Variants in SPATS2 observed in about 807,000 individuals in gnomAD.
SPATS2 encodes the protein spermatogenesis-associated serine-rich protein 2.
In SPATS2, 38 loss-of-function variants were observed where a neutral mutation model predicts 63.7. The ratio of observed to expected loss-of-function variants is 0.60; its 90% CI spans 0.46 to 0.78. SPATS2 has a LOEUF of 0.78. Among genes scored for constraint, SPATS2 ranks in the 30% least tolerant of loss-of-function variants. The pLI is 0.00. For synonymous variants in SPATS2, 207 were observed against 232.9 expected, an observed-to-expected ratio of 0.89 and a Z score of 1.01; for missense variants, 588 against 666.2, an observed-to-expected ratio of 0.88 and a Z score of 1.29.
At chr12:49,441,855 A>G (rs956610511) in intron 2 of SPATS2, 4 of 152,196 alleles carry the variant, frequency 2.6e-5, no homozygotes, top group African/African-American at 4.8e-5. Context: ...TCATATACAC[A>G]ACATATGCAA....
In SPATS2 at chr12:49,446,124, G is replaced by A. The variant is rs540102395; in HGVS notation, c.-243-14646G>A. Among the ~76,000 whole-genome samples the A allele has an allele frequency of 1.3e-4, 19 of 150,608 alleles. No individual in the cohort carries two copies. The East Asian group carries it at 3.8e-3, about 30-fold the overall frequency. On this transcript the variant is annotated intron_variant, in intron 2 of 13. Coordinates refer to ENST00000552918, the MANE Select transcript of SPATS2 (RefSeq NM_023071.4). ...TCACCATGTTGCCCAAGGTGGTCTCGAACTCCTGAGCTCAGGTGATCTGCC... is the reference window on the plus strand; with the variant it reads ...TCACCATGTTGCCCAAGGTGGTCTCAAACTCCTGAGCTCAGGTGATCTGCC...
chr12:49,402,556 A>T (rs1184717644), intron 2 of SPATS2, among the ~76,000 whole-genome samples: 1 of 152,090 alleles, frequency 6.6e-6, no homozygotes, highest in Non-Finnish European at 1.5e-5. Context: ...AGGGTAAAGG[A>T]CGAGATTGTC....
At chr12:49,459,605 T>G (rs941995913) in intron 2 of SPATS2, among the ~76,000 whole-genome samples, 6 of 151,492 alleles carry the variant, frequency 4.0e-5, no homozygotes, top group Non-Finnish European at 2.9e-5. Context: ...GCCTTGGCCT[T>G]CCAAAGTGCT....
chr12:49,494,735 C>CT lies in SPATS2; in HGVS notation c.265-3dup. The CT allele has an allele frequency of 6.6e-7, 1 of 1,520,864 alleles. No homozygotes were observed. The highest frequency in any genetic ancestry group is 8.8e-7 in the Non-Finnish European group (1 of 1,135,924). 94.2% of individuals were successfully genotyped at this position (1,520,864 alleles called of 1,614,324 possible). A position where few individuals can be genotyped will look rare whatever the true frequency, so the allele number is the denominator to read the frequency against. On this transcript the variant is annotated splice_polypyrimidine_tract_variant and splice_region_variant and intron_variant, in intron 6 of 13. Transcript: ENST00000552918. ...CTTTTCTTTTTCAAATTTTTAATAA[C>CT]TTTAGAACAAAAAGAAGAAAAACAA... is the stretch of plus-strand genomic sequence containing the variant.
chr12:49,404,807 C>T (rs1944666540), intron 2 of SPATS2, among the ~76,000 whole-genome samples: 1 of 152,126 alleles, frequency 6.6e-6, no homozygotes, highest in African/African-American at 2.4e-5. Flanking sequence ...TGTTCACGGA[C>T]AGGTCAGATC....
upstream of SPATS2, chr12:49,367,356 T>G (rs1943915895): frequency 1.3e-5 from 5 of 389,934 alleles, no homozygotes; most frequent in East Asian, 7.3e-5. Context: ...GGTGATCTGC[T>G]GGATCTCCGG....
chr12:49,464,878 T>C (rs540670535), intron 3 of SPATS2, among the ~76,000 whole-genome samples: 8 of 152,258 alleles, frequency 5.3e-5, no homozygotes, highest in African/African-American at 1.9e-4. Flanking sequence ...TTCTCTTGTT[T>C]GTGATCAATT....
intron 2 of SPATS2, among the ~76,000 whole-genome samples, chr12:49,415,124 G>A (rs1944867415): frequency 6.6e-6 from 1 of 151,548 alleles, no homozygotes; most frequent in African/African-American, 2.4e-5. Context: ...TAGAGATGGG[G>A]TTTCACCATA....
intron 3 of SPATS2, among the ~76,000 whole-genome samples, chr12:49,471,291 A>G (rs1358772876): frequency 6.6e-6 from 1 of 152,172 alleles, no homozygotes; most frequent in Admixed American, 6.5e-5. Flanking sequence ...TAATTCCTGT[A>G]ACTCAGTAGT....
intron 3 of SPATS2, among the ~76,000 whole-genome samples, chr12:49,471,948 C>A (rs888994090): frequency 6.6e-6 from 1 of 151,976 alleles, no homozygotes; most frequent in Admixed American, 6.6e-5. Context: ...CCAGCCTGGG[C>A]AACACAGTGA....
chr12:49,450,843 T>C (rs937524012), intron 2 of SPATS2, among the ~76,000 whole-genome samples: 1 of 150,236 alleles, frequency 6.7e-6, no homozygotes, highest in Non-Finnish European at 1.5e-5. Flanking sequence ...TGTGTCAGCC[T>C]ATTTTTTGTT....
At chr12:49,389,547 A>T in intron 2 of SPATS2, 3 of 984,872 alleles carry the variant, frequency 3.0e-6, no homozygotes, top group Admixed American at 3.4e-5. Flanking sequence ...GCACTTGCTG[A>T]TGCTAAAACT....
At chr12:49,398,530 C>T (rs1057237872) in intron 2 of SPATS2, among the ~76,000 whole-genome samples, 7 of 152,098 alleles carry the variant, frequency 4.6e-5, no homozygotes, top group African/African-American at 9.7e-5. Context: ...AAGGGAAGAA[C>T]GCATATCACT....
intron 12 of SPATS2, among the ~76,000 whole-genome samples, chr12:49,523,412 C>T (rs1395874795): frequency 1.3e-5 from 2 of 151,940 alleles, no homozygotes; most frequent in Non-Finnish European, 2.9e-5. Flanking sequence ...GGGAAGATAG[C>T]TTGAGCCAGG....
intron 3 of SPATS2, chr12:49,463,592 G>A (rs971611292): frequency 2.0e-5 from 3 of 152,176 alleles, no homozygotes; most frequent in Admixed American, 2.0e-4. Context: ...TTGGTCCCAT[G>A]ACATATAAAA....
intron 2 of SPATS2, among the ~76,000 whole-genome samples, chr12:49,458,006 T>C (rs1033014907): frequency 2.0e-5 from 3 of 152,174 alleles, no homozygotes; most frequent in African/African-American, 7.2e-5. Flanking sequence ...GATGGAATAT[T>C]TTTTAAAACT....
At chr12:49,368,054 A>G (rs1943932993) in intron 1 of SPATS2, among the ~76,000 whole-genome samples, 1 of 152,076 alleles carries the variant, frequency 6.6e-6, no homozygotes, top group Non-Finnish European at 1.5e-5. Context: ...GCGTTCTTGG[A>G]ATTGAAGGGG....
chr12:49,494,899 T>C lies in SPATS2; in HGVS notation c.423T>C (p.Thr141=), dbSNP rs1359510582. 1.2e-6 allele frequency: 2 copies of C among 1,614,110 alleles called. No homozygotes were observed. The highest frequency in any genetic ancestry group is 1.7e-6 in the Non-Finnish European group (2 of 1,180,026). The change falls in exon 7 of 14, where the codon ACT becomes ACC. Residue 141 remains threonine (T), a synonymous_variant. Transcript: ENST00000552918. ...ATGTCAATGGTGCCATCAATGACAC[T>C]GAGTCTGTGGACTCACTCAGTGAAG... ...GYHVNGAIND[T]ESVDSLSEGL...
intron 2 of SPATS2, among the ~76,000 whole-genome samples, chr12:49,377,055 T>C (rs1944120039): frequency 6.6e-6 from 1 of 152,170 alleles, no homozygotes; most frequent in Non-Finnish European, 1.5e-5. Context: ...GGAGGTTTTC[T>C]TTCTTCTTTT....
Sources: allele counts gnomAD v4.1 joint callset (sites outside exome capture counted in the v4.1 genomes callset), GRCh38; gene constraint gnomAD v4.1.1; transcripts MANE v1.5; gene names NCBI Gene and HGNC (gene_info 2026-07-23, HGNC 2026-07-21).